The following PRKN variants were observed in gnomAD, a reference collection of about 807,000 sequenced individuals.
PRKN encodes the protein E3 ubiquitin-protein ligase parkin.
Under a neutral mutation model 59.5 loss-of-function variants are expected in PRKN, and 56 were observed. That is an observed-to-expected ratio of 0.94 (90% CI 0.76 to 1.18). PRKN has a LOEUF of 1.18. Ranked by LOEUF, PRKN falls within the 50% of genes most tolerant of loss-of-function variation. PRKN has a pLI of 0.00. For missense variants in PRKN, 657 were observed against 596.4 expected, an observed-to-expected ratio of 1.10 and a Z score of -1.06; for synonymous variants, 250 against 222.1, an observed-to-expected ratio of 1.13 and a Z score of -1.12.
At chr6:162,423,977 T>C (rs1419010480) in intron 2 of PRKN, among the ~76,000 whole-genome samples, 1 of 152,146 alleles carries the variant, frequency 6.6e-6, no homozygotes, top group East Asian at 1.9e-4. Context: ...TTGTTCATAA[T>C]TGCCAAAGTT....
intron 1 of PRKN, among the ~76,000 whole-genome samples, chr6:162,547,633 T>C (rs1163047097): frequency 6.6e-6 from 1 of 152,056 alleles, no homozygotes; most frequent in Non-Finnish European, 1.5e-5. Context: ...CAGGCTGGAG[T>C]GCAATGGCAC....
intron 4 of PRKN, among the ~76,000 whole-genome samples, chr6:162,134,562 C>T (rs1220240719): frequency 1.3e-5 from 2 of 152,070 alleles, no homozygotes; most frequent in Non-Finnish European, 2.9e-5. Context: ...ATTTATTTAA[C>T]TAGAATGTCT....
Position 161,561,733 on chromosome 6 carries a change from A to G in PRKN, c.933+7622T>C, listed in dbSNP as rs755698572. On this transcript the variant is annotated intron_variant, in intron 8 of 11. Coordinates refer to ENST00000366898, the MANE Select transcript of PRKN (RefSeq NM_004562.3). The surrounding 1 kb of genome is among the most constrained non-coding windows in gnomAD (Gnocchi z 5.0). The stretch of plus-strand genomic sequence containing the variant: ...CTCTCTCTCAAATTACCGGTAATTC[A>G]TCTCTGTGGAATCCTTCCTGTGAGT... 1.1e-4 allele frequency among the ~76,000 whole-genome samples: 17 copies of G among 151,980 alleles called. No individual in the cohort carries two copies. The highest frequency in any genetic ancestry group is 2.1e-4 in the Non-Finnish European group (14 of 67,990).
At chr6:162,316,735 G>C (rs1782768596) in intron 2 of PRKN, among the ~76,000 whole-genome samples, 1 of 151,746 alleles carries the variant, frequency 6.6e-6, no homozygotes, top group Non-Finnish European at 1.5e-5. Context: ...TATTTAAAGA[G>C]TTACAAAGAG....
chr6:162,213,835 AC>A (rs1777517852), intron 3 of PRKN, among the ~76,000 whole-genome samples: 3 of 150,826 alleles, frequency 2.0e-5, no homozygotes, highest in Non-Finnish European at 4.4e-5. Flanking sequence ...ACACACACAC[AC>A]ACACACACAC....
chr6:161,649,313 T>C (rs1168206817), intron 7 of PRKN, among the ~76,000 whole-genome samples: 1 of 152,202 alleles, frequency 6.6e-6, no homozygotes, highest in Non-Finnish European at 1.5e-5. Flanking sequence ...AGTGCACCTG[T>C]GCTGAGAACC....
intron 2 of PRKN, among the ~76,000 whole-genome samples, chr6:162,430,804 G>A (rs1789485396): frequency 6.6e-6 from 1 of 152,102 alleles, no homozygotes; most frequent in African/African-American, 2.4e-5. Context: ...TCCAAAGTAG[G>A]TAAAACATAT....
intron 1 of PRKN, among the ~76,000 whole-genome samples, chr6:162,679,610 A>G (rs1461267865): frequency 1.3e-5 from 2 of 152,172 alleles, no homozygotes; most frequent in East Asian, 1.9e-4. Flanking sequence ...CTTAACTGAC[A>G]TATTACTGAC....
intron 6 of PRKN, among the ~76,000 whole-genome samples, chr6:161,943,776 A>G (rs1416360526): frequency 8.5e-5 from 11 of 129,230 alleles, no homozygotes; most frequent in African/African-American, 2.7e-4. Context: ...GGATCAGCCT[A>G]AGGAAACACC....
chr6:162,317,176 G>T (rs1782786730), intron 2 of PRKN, among the ~76,000 whole-genome samples: 1 of 151,902 alleles, frequency 6.6e-6, no homozygotes, highest in Non-Finnish European at 1.5e-5. Flanking sequence ...ATATGGTTTG[G>T]CTGTGTCCCC....
intron 6 of PRKN, among the ~76,000 whole-genome samples, chr6:161,867,740 C>T (rs949011457): frequency 1.7e-4 from 24 of 137,606 alleles, no homozygotes; most frequent in East Asian, 4.1e-4. Context: ...AAAAATCTTT[C>T]ATTTATTTAT....
chr6:162,610,211 C>A (rs1012498309), intron 1 of PRKN, among the ~76,000 whole-genome samples: 1 of 152,186 alleles, frequency 6.6e-6, no homozygotes, highest in Admixed American at 6.5e-5. Flanking sequence ...TTAGTGACGA[C>A]AAAACTGAGA....
chr6:162,657,864 C>A (rs1778707181), intron 1 of PRKN, among the ~76,000 whole-genome samples: 1 of 152,130 alleles, frequency 6.6e-6, no homozygotes, highest in South Asian at 2.1e-4. Flanking sequence ...AACACTGTCA[C>A]TGGAGGCTTG....
chr6:162,134,107 G>A (rs944855918), intron 4 of PRKN, among the ~76,000 whole-genome samples: 17 of 152,236 alleles, frequency 1.1e-4, no homozygotes, highest in African/African-American at 4.1e-4. Flanking sequence ...TATATGGTAG[G>A]TGTTATCACT....
At chr6:162,359,079 A>AAAAAAAAAATATATAT (rs57265104) in intron 2 of PRKN, among the ~76,000 whole-genome samples, 1 of 83,272 alleles carries the variant, frequency 1.2e-5, no homozygotes, top group Admixed American at 1.4e-4. Flanking sequence ...AAAAAAAAAA[A>AAAAAAAAAATATATAT]ATATATATAT....
intron 1 of PRKN, among the ~76,000 whole-genome samples, chr6:162,521,560 C>T (rs1042733539): frequency 3.3e-5 from 5 of 152,004 alleles, no homozygotes; most frequent in African/African-American, 4.8e-5. Context: ...CTTGGACACA[C>T]GATGTTAAAA....
intron 6 of PRKN, among the ~76,000 whole-genome samples, chr6:161,830,066 T>C (rs985665475): frequency 6.6e-6 from 1 of 151,990 alleles, no homozygotes; most frequent in Non-Finnish European, 1.5e-5. Context: ...CAGCAATTTG[T>C]ACAGGTTACA....
At chr6:161,738,730 A>T (rs1346582783) in intron 7 of PRKN, among the ~76,000 whole-genome samples, 1 of 152,090 alleles carries the variant, frequency 6.6e-6, no homozygotes, top group Non-Finnish European at 1.5e-5. Context: ...TCCGTCTTAG[A>T]CCTGCAGGTG....
intron 2 of PRKN, among the ~76,000 whole-genome samples, chr6:162,426,825 T>G (rs1789261053): frequency 6.6e-6 from 1 of 152,214 alleles, no homozygotes; most frequent in South Asian, 2.1e-4. Context: ...ACTTTCACAT[T>G]AGACACAGAA....
Sources: allele counts gnomAD v4.1 joint callset (sites outside exome capture counted in the v4.1 genomes callset), GRCh38; gene constraint gnomAD v4.1.1; non-coding constraint Gnocchi (gnomAD v3.1); transcripts MANE v1.5; gene names NCBI Gene and HGNC (gene_info 2026-07-23, HGNC 2026-07-21).